The following GSDME variants were observed in gnomAD, a reference collection of about 807,000 sequenced individuals.
GSDME encodes the protein gasdermin E, also known as gasdermin-E.
Under a neutral mutation model 47.5 loss-of-function variants are expected in GSDME, and 44 were observed. That is an observed-to-expected ratio of 0.93 (90% CI 0.73 to 1.19). The LOEUF is 1.19. Ranked by LOEUF, GSDME falls within the 50% of genes most tolerant of loss-of-function variation. The pLI is 0.00. For synonymous variants in GSDME, 258 were observed against 252.8 expected (o/e 1.02, Z -0.20); for missense variants, 663 against 604.2 (o/e 1.10, Z -1.02).
At chr7:24,729,690 C>T (rs1343877102) in intron 3 of GSDME, among the ~76,000 whole-genome samples, 1 of 152,166 alleles carries the variant, frequency 6.6e-6, no homozygotes, top group African/African-American at 2.4e-5. Flanking sequence ...AGTATTAATC[C>T]CAGGAACTGA....
At chr7:24,706,847 CCCG>C (rs1789131281) in intron 7 of GSDME, among the ~76,000 whole-genome samples, 1 of 140,804 alleles carries the variant, frequency 7.1e-6, no homozygotes, top group Non-Finnish European at 1.7e-5. Flanking sequence ...TTCGGACCAC[CCCG>C]CCAATTCTGC....
intron 6 of GSDME, 138 bp downstream of exon 6, chr7:24,710,086 T>A (rs78768231): frequency 1.0e-6 from 1 of 965,164 alleles, no homozygotes; most frequent in African/African-American, 1.6e-5. Flanking sequence ...GGACTGGGCC[T>A]CGGCGGCATC....
chr7:24,708,009 G>A, intron 7 of GSDME, 118 bp downstream of exon 7: 5 of 1,311,384 alleles, frequency 3.8e-6, no homozygotes, highest in South Asian at 1.3e-5. Context: ...AGTCAGAAAA[G>A]AGACAGCTGT....
chr7:24,789,883 G>A, the GSDME span, among the ~76,000 whole-genome samples: 25 of 152,328 alleles, frequency 1.6e-4, no homozygotes, highest in African/African-American at 5.8e-4. Flanking sequence ...CTAAGGTAGC[G>A]ATGAAGGTTT....
At position 24,744,983 on chromosome 7, in the gene GSDME, ACGTG is replaced by A. The variant is rs1327365411; in HGVS notation, c.212-233_212-230del. ...CGGGCACACAGTGGACCAGTGCAGC[ACGTG>A]TGTGTGTGTGTGTGTGTGTGTGTGT... On this transcript the variant is annotated intron_variant, in intron 2 of 9. Coordinates refer to ENST00000645220, the MANE Select transcript of GSDME (RefSeq NM_001127453.2). This position sits in a 1 kb window ranked among gnomAD's most constrained non-coding sequence, Gnocchi z 4.5. 1.8e-5 allele frequency among the ~76,000 whole-genome samples: 1 copy of A among 56,098 alleles called. No homozygotes were observed. The highest frequency in any genetic ancestry group is 3.9e-5 in the Non-Finnish European group (1 of 25,500). 36.8% of individuals were successfully genotyped at this position (56,098 alleles called of 152,430 possible). A position where few individuals can be genotyped will look rare whatever the true frequency, so the allele number is the denominator to read the frequency against.
intron 9 of GSDME, chr7:24,702,445 TTGTAA>T (rs1788907640): frequency 2.7e-6 from 1 of 364,050 alleles, no homozygotes; most frequent in South Asian, 2.1e-5. Flanking sequence ...GGCCCCTTTA[TTGTAA>T]TGTAACACCA....
At chr7:24,748,024 A>G (rs988050765) in intron 2 of GSDME, among the ~76,000 whole-genome samples, 2 of 151,940 alleles carry the variant, frequency 1.3e-5, no homozygotes, top group African/African-American at 4.8e-5. Flanking sequence ...GGGTACATAC[A>G]CTCAAAGGAA....
chr7:24,711,365 C>T (rs767105923), intron 5 of GSDME, among the ~76,000 whole-genome samples: 52 of 152,054 alleles, frequency 3.4e-4, no homozygotes, highest in Non-Finnish European at 6.2e-4. Flanking sequence ...GCTGGGATTA[C>T]AGGCACCTGC....
At position 24,739,413 on chromosome 7, in the gene GSDME, A is replaced by G. The variant is rs1021921573; in HGVS notation, c.404+5149T>C. ...TTGATCATCAGGGAAATGCAAATCA[A>G]AACTACAATGAGTTATCACCTCACC... On this transcript the variant is annotated intron_variant, in intron 3 of 9. Transcript: ENST00000645220. The surrounding 1 kb of genome is among the most constrained non-coding windows in gnomAD (Gnocchi z 5.1). Among the ~76,000 whole-genome samples the G allele has an allele frequency of 1.4e-4, 22 of 152,230 alleles. No homozygotes were observed. Among genetic ancestry groups the G allele is most frequent in the African/African-American group, 4.3e-4 (18 of 41,450 alleles).
At chr7:24,717,220 G>A (rs771244061) in intron 5 of GSDME, 34 bp downstream of exon 5, 2 of 1,613,458 alleles carry the variant, frequency 1.2e-6, no homozygotes, top group Non-Finnish European at 1.7e-6. Context: ...CCTCTGCTGG[G>A]GATCCCTCAG....
chr7:24,708,357 A>G (rs998549194), intron 6 of GSDME, 103 bp from the exon 7 acceptor site: 6 of 1,368,346 alleles, frequency 4.4e-6, no homozygotes, highest in African/African-American at 2.9e-5. Flanking sequence ...CAGTTCTTTC[A>G]TGGATATTCC....
rs112200860 is a variant in GSDME at position 24,750,171 on chromosome 7, T to A, written c.-19-378A>T. Among the ~76,000 whole-genome samples, 1,115 of 152,290 alleles carry A rather than the reference T, an allele frequency of 7.3e-3. 8 individuals are homozygous for A. Among genetic ancestry groups the A allele is most frequent in the African/African-American group, 0.025 (1,037 of 41,564 alleles). On this transcript the variant is annotated intron_variant, in intron 1 of 9. Coordinates refer to ENST00000645220, the MANE Select transcript of GSDME (RefSeq NM_001127453.2). ...CCAGCATCTTGAACACTGTCAATCA[T>A]TATCCAACAGGAAAGAGTTTTGGAA... is the stretch of plus-strand genomic sequence containing the variant.
the GSDME span, among the ~76,000 whole-genome samples, chr7:24,784,848 C>G: frequency 6.6e-6 from 1 of 152,078 alleles, no homozygotes; most frequent in African/African-American, 2.4e-5. Context: ...GTGTGAGCCA[C>G]CGCGCCCGGA....
At chr7:24,703,005 A>G (rs1024801094) in intron 8 of GSDME, 172 bp from the exon 9 acceptor site, 1 of 587,460 alleles carries the variant, frequency 1.7e-6, no homozygotes. Context: ...GGCAGCAAAG[A>G]CCTTGTAGAA....
chr7:24,761,932 A>G (rs1791171247), upstream of GSDME, among the ~76,000 whole-genome samples: 1 of 152,228 alleles, frequency 6.6e-6, no homozygotes, highest in Non-Finnish European at 1.5e-5. The surrounding 1 kb of genome is among the most constrained non-coding windows in gnomAD (Gnocchi z 4.4). Flanking sequence ...GACATCTTCT[A>G]TCTGCCGCCC....
intron 7 of GSDME, chr7:24,707,459 TTC>T (rs1158775755): frequency 2.1e-6 from 1 of 471,236 alleles, no homozygotes; most frequent in Non-Finnish European, 4.4e-6. Flanking sequence ...GCCTATTTAT[TTC>T]TCTGTTCTAA....
chr7:24,779,044 T>C, the GSDME span, among the ~76,000 whole-genome samples: 1 of 152,188 alleles, frequency 6.6e-6, no homozygotes, highest in Non-Finnish European at 1.5e-5. The surrounding 1 kb of genome is among the most constrained non-coding windows in gnomAD (Gnocchi z 6.0). Flanking sequence ...CTGAGTGGAC[T>C]GGAGCTCATC....
chr7:24,720,879 C>G (rs1789754712), intron 3 of GSDME, among the ~76,000 whole-genome samples: 1 of 151,256 alleles, frequency 6.6e-6, no homozygotes, highest in African/African-American at 2.4e-5. Context: ...CGCACTCCAG[C>G]CTGGGCAACA....
At chr7:24,766,227 G>A in the GSDME span, among the ~76,000 whole-genome samples, 1 of 146,722 alleles carries the variant, frequency 6.8e-6, no homozygotes, top group Non-Finnish European at 1.5e-5. This position sits in a 1 kb window ranked among gnomAD's most constrained non-coding sequence, Gnocchi z 4.2. Context: ...ATGTTTGCCT[G>A]TTTTCACAGT....
Sources: gnomAD v4.1 joint callset for allele counts (sites outside exome capture counted in the v4.1 genomes callset) on GRCh38, gnomAD v4.1.1 for gene constraint, Gnocchi (gnomAD v3.1) non-coding constraint, MANE v1.5 for transcripts, NCBI Gene and HGNC (gene_info 2026-07-23, HGNC 2026-07-21) for gene names.